The following KDM4C variants were observed in gnomAD, a reference collection of about 807,000 sequenced individuals.
KDM4C encodes lysine demethylase 4C.
KDM4C carries 81 observed loss-of-function variants against 129.3 expected under a neutral mutation model. The ratio of observed to expected loss-of-function variants is 0.63; its 90% CI spans 0.52 to 0.75. The LOEUF is 0.75. Ranked by LOEUF, KDM4C falls within the 30% of genes least tolerant of loss-of-function variation. The probability of loss-of-function intolerance (pLI) is 0.00; values close to 1 mark genes in which losing one functional copy is unlikely to be tolerated. For synonymous variants in KDM4C, 573 were observed against 456.1 expected, an observed-to-expected ratio of 1.26 and a Z score of -3.26; for missense variants, 1,457 against 1,304.0, an observed-to-expected ratio of 1.12 and a Z score of -1.81.
intron 17 of KDM4C, among the ~76,000 whole-genome samples, chr9:7,068,684 T>C (rs7028236): frequency 0.58 from 68,512 of 117,658 alleles, 20,332 homozygotes; most frequent in South Asian, 0.65. Flanking sequence ...ATGATGCCCT[T>C]TCTTTTTTTT....
At chr9:6,994,654 C>T (rs973207402) in intron 12 of KDM4C, among the ~76,000 whole-genome samples, 2 of 152,118 alleles carry the variant, frequency 1.3e-5, no homozygotes, top group Admixed American at 1.3e-4. Context: ...ATCAGTAATA[C>T]TTGAAATCAG....
intron 1 of KDM4C, among the ~76,000 whole-genome samples, chr9:6,766,165 T>C (rs192042107): frequency 1.2e-3 from 188 of 152,296 alleles, no homozygotes; most frequent in African/African-American, 4.4e-3. Context: ...GAATTTTATA[T>C]TTTTTTCAGA....
chr9:6,929,471 C>CTTTTTT (rs59537472), intron 8 of KDM4C, among the ~76,000 whole-genome samples: 31 of 127,524 alleles, frequency 2.4e-4, no homozygotes, highest in Non-Finnish European at 2.5e-4. Context: ...TTGACTTTTT[C>CTTTTTT]TTTTTTTTTT....
At chr9:6,889,415 G>A (rs138819944) in intron 7 of KDM4C, among the ~76,000 whole-genome samples, 210 of 152,178 alleles carry the variant, frequency 1.4e-3, no homozygotes, top group African/African-American at 4.7e-3. Context: ...TTACTCGCAC[G>A]TTTTTACCAT....
intron 5 of KDM4C, among the ~76,000 whole-genome samples, chr9:6,857,281 C>T (rs991017813): frequency 2.6e-5 from 4 of 152,114 alleles, no homozygotes; most frequent in Non-Finnish European, 5.9e-5. Flanking sequence ...AAAAACAAAA[C>T]AAACAAAAAC....
chr9:7,135,130 G>T (rs954160920), intron 19 of KDM4C, among the ~76,000 whole-genome samples: 3 of 152,174 alleles, frequency 2.0e-5, no homozygotes, highest in African/African-American at 7.2e-5. Context: ...CAATTCTGTA[G>T]GCATCATAGC....
intron 5 of KDM4C, among the ~76,000 whole-genome samples, chr9:6,878,674 A>G (rs73403300): frequency 0.043 from 6,592 of 152,310 alleles, 483 homozygotes; most frequent in African/African-American, 0.15. Context: ...GAATCTGCAT[A>G]TATAAATATC....
chr9:7,031,350 A>T (rs1826724434), intron 15 of KDM4C, among the ~76,000 whole-genome samples: 2 of 151,862 alleles, frequency 1.3e-5, no homozygotes, highest in Non-Finnish European at 2.9e-5. Context: ...TAGTAGAGAC[A>T]GGGTTTCACC....
intron 17 of KDM4C, 140 bp from the exon 18 acceptor site, chr9:7,103,545 C>G (rs997465806): frequency 3.1e-6 from 2 of 650,132 alleles, no homozygotes; most frequent in Non-Finnish European, 5.3e-6. Context: ...CACTAGGGCC[C>G]CTGGAGGGGT....
At chr9:6,760,794 G>C (rs1482626618) in intron 1 of KDM4C, among the ~76,000 whole-genome samples, 2 of 151,140 alleles carry the variant, frequency 1.3e-5, no homozygotes, top group South Asian at 2.1e-4. Flanking sequence ...GGATGGTCTC[G>C]ATCTCCTGAC....
chr9:7,153,160 A>G (rs936318705), intron 19 of KDM4C, among the ~76,000 whole-genome samples: 1 of 151,254 alleles, frequency 6.6e-6, no homozygotes, highest in Non-Finnish European at 1.5e-5. Flanking sequence ...CTGGTCTTGA[A>G]CTCCTGAGCT....
At chr9:7,089,212 A>T (rs1468072501) in intron 17 of KDM4C, among the ~76,000 whole-genome samples, 2 of 152,144 alleles carry the variant, frequency 1.3e-5, no homozygotes, top group African/African-American at 4.8e-5. Flanking sequence ...AACGTAAAAA[A>T]ATCAAATTGT....
At chr9:6,990,557 T>C in intron 12 of KDM4C, 33 bp downstream of exon 12, 2 of 1,459,516 alleles carry the variant, frequency 1.4e-6, no homozygotes, top group Non-Finnish European at 9.3e-7. Context: ...GATTTTTTTT[T>C]TTTTTTTTGG....
intron 8 of KDM4C, among the ~76,000 whole-genome samples, chr9:6,912,875 A>T (rs941045258): frequency 6.6e-6 from 1 of 152,086 alleles, no homozygotes; most frequent in Non-Finnish European, 1.5e-5. Context: ...AAGGAAAAGA[A>T]TATTTTTTTT....
chr9:7,115,351 G>A (rs1360706972), intron 18 of KDM4C, among the ~76,000 whole-genome samples: 5 of 152,000 alleles, frequency 3.3e-5, no homozygotes, highest in Non-Finnish European at 7.4e-5. Flanking sequence ...ATTAAGGCAC[G>A]CAGAATCGTC....
At chr9:6,809,680 C>G (rs1830784553) in intron 3 of KDM4C, among the ~76,000 whole-genome samples, 1 of 152,114 alleles carries the variant, frequency 6.6e-6, no homozygotes, top group African/African-American at 2.4e-5. Context: ...CTACCAGTTA[C>G]AAAAGTAATA....
chr9:7,117,114 T>C (rs1838986812), intron 18 of KDM4C, among the ~76,000 whole-genome samples: 1 of 152,232 alleles, frequency 6.6e-6, no homozygotes, highest in Non-Finnish European at 1.5e-5. Context: ...TCAAAAGTTA[T>C]AGAACATTCA....
intron 4 of KDM4C, among the ~76,000 whole-genome samples, chr9:6,836,579 C>T (rs958057846): frequency 3.9e-5 from 6 of 152,058 alleles, no homozygotes; most frequent in African/African-American, 1.4e-4. Context: ...CTGGGGTGGC[C>T]TGAATTTTGT....
intron 8 of KDM4C, among the ~76,000 whole-genome samples, chr9:6,951,356 T>C (rs1828109815): frequency 6.6e-6 from 1 of 152,228 alleles, no homozygotes; most frequent in Non-Finnish European, 1.5e-5. Context: ...AACCTGATAA[T>C]AAACTCTGTC....
Sources: gnomAD v4.1 joint callset for allele counts (sites outside exome capture counted in the v4.1 genomes callset) on GRCh38, gnomAD v4.1.1 for gene constraint, MANE v1.5 for transcripts, NCBI Gene and HGNC (gene_info 2026-07-23, HGNC 2026-07-21) for gene names.